The following RBM6 variants were observed in gnomAD, a reference collection of about 807,000 sequenced individuals.
RBM6 encodes RNA binding motif protein 6, also known as RNA-binding protein 6.
In RBM6, 23 loss-of-function variants were observed where a neutral mutation model predicts 140.4. That is an observed-to-expected ratio of 0.16 (90% CI 0.12 to 0.23). The LOEUF is 0.23. Among genes scored for constraint, RBM6 ranks in the 10% least tolerant of loss-of-function variants. The pLI, the probability that RBM6 is intolerant of heterozygous loss-of-function variation, is 1.00. For missense variants in RBM6, 1,139 were observed against 1,386.7 expected (o/e 0.82, Z 2.84); for synonymous variants, 439 against 475.6 (o/e 0.92, Z 1.00).
chr3:50,001,476 CTATT>C (rs1358986649), intron 6 of RBM6, among the ~76,000 whole-genome samples: 1 of 152,040 alleles, frequency 6.6e-6, no homozygotes, highest in Non-Finnish European at 1.5e-5. Context: ...GTACAGTTAA[CTATT>C]TATATAGTCT....
intron 1 of RBM6, among the ~76,000 whole-genome samples, chr3:49,947,266 G>A (rs866932045): frequency 3.1e-4 from 18 of 57,206 alleles, no homozygotes; most frequent in East Asian, 1.6e-3. Context: ...AAAAAAAGGG[G>A]GGGGGGGGGG....
rs765197556 is a variant in RBM6, at chr3:50,070,432, T to C, written c.3019-23T>C. Reference sequence around the variant, plus strand: ...AATTCCCTCAGGTGGCAATCTCAGGTCTGCTCTTCTGCTTACCAACAGGGA... The same window carrying C: ...AATTCCCTCAGGTGGCAATCTCAGGCCTGCTCTTCTGCTTACCAACAGGGA... On this transcript the variant is annotated intron_variant, in intron 18 of 20. Coordinates refer to ENST00000266022, the MANE Select transcript of RBM6 (RefSeq NM_005777.3). The C allele has an allele frequency of 7.6e-6, 12 of 1,570,738 alleles. No individual in the cohort carries two copies. The Admixed American group carries it at 2.0e-4, about 26-fold the overall frequency.
intron 1 of RBM6, among the ~76,000 whole-genome samples, chr3:49,962,005 A>T (rs933428058): frequency 6.6e-6 from 1 of 151,752 alleles, no homozygotes; most frequent in African/African-American, 2.4e-5. Flanking sequence ...AAATACAAAA[A>T]AATTAGCTGG....
In RBM6 at chr3:49,967,273, G is replaced by A. The variant is rs139040216; in HGVS notation, c.45-197G>A. 3.5e-3 allele frequency: 4,785 copies of A among 1,370,508 alleles called. 5 individuals are homozygous for A. Among genetic ancestry groups the A allele is most frequent in the Middle Eastern group, 4.4e-3 (16 of 3,652 alleles). The allele number at this position is 1,370,508 out of a possible 1,614,324, so 84.9% of individuals were successfully genotyped here. On this transcript the variant is annotated intron_variant, in intron 2 of 20. Coordinates refer to ENST00000266022, the MANE Select transcript of RBM6 (RefSeq NM_005777.3). The surrounding 1 kb of genome is among the most constrained non-coding windows in gnomAD (Gnocchi z 4.0). ...ACTTTCCTCGTGTTCTGAAATGGGAGCATAAAAGTTTACTCCGCCACTTCG... is the reference window on the plus strand; with the variant it reads ...ACTTTCCTCGTGTTCTGAAATGGGAACATAAAAGTTTACTCCGCCACTTCG...
rs114921320 is a variant in RBM6 at position 49,949,621 on chromosome 3, T to A, written c.-67+9396T>A. Among the ~76,000 whole-genome samples the A allele has an allele frequency of 6.1e-3, 924 of 152,054 alleles. 10 individuals carry two copies. The highest frequency in any genetic ancestry group is 0.021 in the African/African-American group (873 of 41,492). ...GTTTCAATCTTATGACTTTGTGATC[T>A]GACCACTTTGGCCTCCCAAAGTGCT... On this transcript the variant is annotated intron_variant, in intron 1 of 20. Transcript: ENST00000266022.
intron 2 of RBM6, among the ~76,000 whole-genome samples, chr3:49,966,420 T>C (rs770227188): frequency 1.3e-5 from 2 of 152,196 alleles, no homozygotes; most frequent in Non-Finnish European, 2.9e-5. Flanking sequence ...TAAACTAGTT[T>C]AGGGAATCTT....
chr3:50,011,616 G>A (rs959022501), intron 6 of RBM6, among the ~76,000 whole-genome samples: 1 of 152,036 alleles, frequency 6.6e-6, no homozygotes, highest in African/African-American at 2.4e-5. Context: ...CTTTCTTAGA[G>A]GCCTCTTTCA....
At chr3:50,032,453 C>T (rs2088228289) in intron 6 of RBM6, among the ~76,000 whole-genome samples, 1 of 143,218 alleles carries the variant, frequency 7.0e-6, no homozygotes, top group African/African-American at 2.6e-5. Context: ...CATTGCGCTC[C>T]AGCCTGGCAA....
Position 50,066,363 on chromosome 3 carries a change from A to G in RBM6, c.2804A>G (p.Lys935Arg), listed in dbSNP as rs1409721653. 6.2e-7 allele frequency: 1 copy of G among 1,614,006 alleles called. No homozygotes were observed. The highest frequency in any genetic ancestry group is 1.3e-5 in the African/African-American group (1 of 74,934). Residue 935 changes from lysine to arginine, a missense_variant, in exon 17 of 21, where the codon AAG becomes AGG. Lys to Arg is a conservative substitution (Grantham distance 26, BLOSUM62 2). Coordinates refer to ENST00000266022, the MANE Select transcript of RBM6 (RefSeq NM_005777.3). The part of the protein sequence containing the change: ...PPQPRTAQPQ[K>R]REEQTKKENE... Reference sequence around the variant, plus strand: ...CAGCCCCGCACAGCACAGCCCCAGAAGCGAGAGGAGCAAACCAAGAAGGAG... The same window carrying G: ...CAGCCCCGCACAGCACAGCCCCAGAGGCGAGAGGAGCAAACCAAGAAGGAG...
intron 6 of RBM6, among the ~76,000 whole-genome samples, chr3:50,004,412 C>T (rs766282013): frequency 6.7e-6 from 1 of 149,968 alleles, no homozygotes; most frequent in Non-Finnish European, 1.5e-5. Context: ...TCTCTTGTGC[C>T]GAAGTGATCC....
intron 6 of RBM6, among the ~76,000 whole-genome samples, chr3:50,001,234 T>C (rs1252151678): frequency 6.6e-6 from 1 of 151,892 alleles, no homozygotes; most frequent in Non-Finnish European, 1.5e-5. Context: ...GAGGCCCGGG[T>C]GGGAGGATTG....
intron 1 of RBM6, among the ~76,000 whole-genome samples, chr3:49,953,162 C>T (rs1319703879): frequency 6.6e-6 from 1 of 151,428 alleles, no homozygotes; most frequent in African/African-American, 2.4e-5. Context: ...CTCAAGTGAT[C>T]CTCCCACTTT....
At position 49,973,999 on chromosome 3, in the gene RBM6, A is replaced by T. The variant is rs187761665; in HGVS notation, c.1414-1324A>T. On this transcript the variant is annotated intron_variant, in intron 4 of 20. Coordinates refer to ENST00000266022, the MANE Select transcript of RBM6 (RefSeq NM_005777.3). ...TGCAACCTCCGCCTCTCGGGTTCAA[A>T]TGGTTCTCCTGCCTCAGCCTCCTGA... 3.6e-3 allele frequency among the ~76,000 whole-genome samples: 539 copies of T among 151,434 alleles called. 4 individuals carry two copies. Among genetic ancestry groups the T allele is most frequent in the African/African-American group, 0.012 (496 of 41,252 alleles).
intron 1 of RBM6, among the ~76,000 whole-genome samples, chr3:49,943,774 T>G (rs1318446332): frequency 6.6e-6 from 1 of 152,162 alleles, no homozygotes; most frequent in Non-Finnish European, 1.5e-5. Flanking sequence ...TATTATATGT[T>G]TAGCTTTTTG....
intron 5 of RBM6, among the ~76,000 whole-genome samples, chr3:49,987,152 A>C (rs1233966484): frequency 6.6e-6 from 1 of 151,596 alleles, no homozygotes; most frequent in Non-Finnish European, 1.5e-5. Context: ...GGCTCACTGC[A>C]ACCTCTGCTT....
At chr3:49,988,608 T>G (rs1192213805) in intron 5 of RBM6, among the ~76,000 whole-genome samples, 2 of 152,216 alleles carry the variant, frequency 1.3e-5, no homozygotes, top group African/African-American at 2.4e-5. Flanking sequence ...CTTTGGTGTT[T>G]AATTTGAATG....
chr3:50,052,516 T>A (rs906477055), intron 7 of RBM6, among the ~76,000 whole-genome samples: 1 of 152,246 alleles, frequency 6.6e-6, no homozygotes, highest in African/African-American at 2.4e-5. Context: ...CATTGGCACT[T>A]TCCCCATTGT....
chr3:49,948,108 A>G (rs917536088), intron 1 of RBM6, among the ~76,000 whole-genome samples: 2 of 152,146 alleles, frequency 1.3e-5, no homozygotes, highest in African/African-American at 4.8e-5. Context: ...TTAAAAAAAA[A>G]AGAAAATTGA....
At chr3:50,030,937 G>A (rs944701796) in intron 6 of RBM6, among the ~76,000 whole-genome samples, 2 of 152,082 alleles carry the variant, frequency 1.3e-5, no homozygotes, top group African/African-American at 4.8e-5. Flanking sequence ...TGGGGGGAAG[G>A]TGGGAATGGT....
Sources: gnomAD v4.1 joint callset for allele counts (sites outside exome capture counted in the v4.1 genomes callset) on GRCh38, gnomAD v4.1.1 for gene constraint, Gnocchi (gnomAD v3.1) non-coding constraint, MANE v1.5 for transcripts, NCBI Gene and HGNC (gene_info 2026-07-23, HGNC 2026-07-21) for gene names.